The following SGK3 variants were observed in gnomAD, a reference collection of about 807,000 sequenced individuals.
The protein encoded by SGK3 is serum/glucocorticoid regulated kinase family member 3.
In SGK3, 47 loss-of-function variants were observed where a neutral mutation model predicts 68.5. The ratio of observed to expected loss-of-function variants is 0.69; its 90% CI spans 0.54 to 0.87. The LOEUF is 0.87. Among genes scored for constraint, SGK3 ranks in the 40% least tolerant of loss-of-function variants. SGK3 has a pLI of 0.00. For missense variants in SGK3, 479 were observed against 575.5 expected (o/e 0.83, Z 1.72); for synonymous variants, 181 against 189.1 (o/e 0.96, Z 0.35).
intron 5 of SGK3, among the ~76,000 whole-genome samples, chr8:66,821,715 C>T (rs1281780351): frequency 6.4e-4 from 81 of 125,874 alleles, no homozygotes; most frequent in Non-Finnish European, 1.1e-3. Flanking sequence ...TTACTGGAGA[C>T]GGGGTTTCAC....
chr8:66,803,624 G>A (rs1364083684), intron 3 of SGK3, among the ~76,000 whole-genome samples: 2 of 151,556 alleles, frequency 1.3e-5, no homozygotes, highest in Non-Finnish European at 2.9e-5. Flanking sequence ...CTTCTCTGAA[G>A]ACAAGCATAT....
intron 8 of SGK3, among the ~76,000 whole-genome samples, chr8:66,831,817 C>T (rs1358707281): frequency 6.6e-6 from 1 of 152,036 alleles, no homozygotes; most frequent in African/African-American, 2.4e-5. Flanking sequence ...ATAAAGTTCA[C>T]TTATTCAGAA....
intron 1 of SGK3, among the ~76,000 whole-genome samples, chr8:66,738,511 C>G (rs1028312121): frequency 1.3e-5 from 2 of 152,198 alleles, no homozygotes; most frequent in African/African-American, 2.4e-5. Flanking sequence ...CTGGCATTCC[C>G]CGGCTATCAG....
rs539972214 is a variant in SGK3, at chr8:66,845,161, G to A, written c.1074+1614G>A. 7.9e-5 allele frequency among the ~76,000 whole-genome samples: 12 copies of A among 152,300 alleles called. No individual in the cohort carries two copies. In the East Asian group the frequency reaches 9.6e-4, roughly 12 times the overall value. ...CGCCTGTAATCCCAGCACTTTGGGA[G>A]GCCAAGGCAGGCAGATCACCTTAGG... On this transcript the variant is annotated intron_variant, in intron 14 of 16. Transcript: ENST00000521198.
intron 1 of SGK3, among the ~76,000 whole-genome samples, chr8:66,752,701 G>A (rs1175883451): frequency 6.6e-6 from 1 of 152,096 alleles, no homozygotes; most frequent in African/African-American, 2.4e-5. Context: ...AGTAGCTAAA[G>A]GGGGCCAGGT....
intron 13 of SGK3, among the ~76,000 whole-genome samples, chr8:66,841,659 GTTTTTTATATGCTTGAAATA>G (rs1809802217): frequency 6.6e-6 from 1 of 152,032 alleles, no homozygotes; most frequent in African/African-American, 2.4e-5. Flanking sequence ...GGTTTCTCTT[GTTTTTTATATGCTTGAAATA>G]TTTTGTAACA....
Position 66,789,466 on chromosome 8 carries a change from G to A in SGK3, c.-121-4150G>A, listed in dbSNP as rs144434908. 5.4e-3 allele frequency among the ~76,000 whole-genome samples: 818 copies of A among 152,258 alleles called. 11 individuals are homozygous for A. Among genetic ancestry groups the A allele is most frequent in the African/African-American group, 0.018 (737 of 41,550 alleles). ...GACAGGGAACCAATATGGGAATTTA[G>A]CCAGTTACTAAGTATATCTGTTTCC... On this transcript the variant is annotated intron_variant, in intron 1 of 16. Coordinates refer to ENST00000521198, the MANE Select transcript of SGK3 (RefSeq NM_001033578.3).
intron 15 of SGK3, among the ~76,000 whole-genome samples, chr8:66,849,665 G>A (rs970720521): frequency 3.2e-4 from 48 of 148,834 alleles, no homozygotes; most frequent in African/African-American, 1.1e-3. Flanking sequence ...GTGTGATCAC[G>A]GCTCACTGCA....
chr8:66,816,503 G>A (rs111954033), intron 5 of SGK3, among the ~76,000 whole-genome samples: 2 of 151,020 alleles, frequency 1.3e-5, no homozygotes, highest in East Asian at 2.0e-4. Flanking sequence ...GCGCCACCAC[G>A]CCTGGCTAAT....
chr8:66,780,859 A>T (rs868792292), intron 1 of SGK3, among the ~76,000 whole-genome samples: 2 of 152,194 alleles, frequency 1.3e-5, no homozygotes, highest in Admixed American at 1.3e-4. Flanking sequence ...TGGTCTGGCT[A>T]CTGGGGAAAA....
chr8:66,725,095 G>T (rs778340677), intron 1 of SGK3, among the ~76,000 whole-genome samples: 6 of 152,184 alleles, frequency 3.9e-5, no homozygotes, highest in Non-Finnish European at 8.8e-5. Context: ...TGTGGTGGCG[G>T]GCATCTGTAT....
rs1447195416 is a variant in SGK3, at chr8:66,860,920, T to A, written c.*1339T>A. 1 of 151,310 alleles carries A rather than the reference T, an allele frequency of 6.6e-6. No homozygotes were observed. Among genetic ancestry groups the A allele is most frequent in the Admixed American group, 6.6e-5 (1 of 15,186 alleles). The allele number at this position is 151,310 out of a possible 1,614,324, so 9.4% of individuals were successfully genotyped here. On this transcript the variant is annotated 3_prime_UTR_variant, in exon 17 of 17. Coordinates refer to ENST00000521198, the MANE Select transcript of SGK3 (RefSeq NM_001033578.3). ...GGCAGATTATTTGAGCTCAGGAGTT[T>A]GAGACCATCCTGGGCAACATGGCGA...
chr8:66,806,172 GT>G (rs146998330), intron 4 of SGK3, among the ~76,000 whole-genome samples: 341 of 149,834 alleles, frequency 2.3e-3, no homozygotes, highest in Non-Finnish European at 1.6e-3. Context: ...TACATACAGA[GT>G]TTTTTTTTTC....
At chr8:66,776,677 A>G (rs555339236) in intron 1 of SGK3, among the ~76,000 whole-genome samples, 1 of 152,352 alleles carries the variant, frequency 6.6e-6, no homozygotes, top group East Asian at 1.9e-4. Context: ...GATAGTTACT[A>G]TCTTTATCTT....
intron 1 of SGK3, among the ~76,000 whole-genome samples, chr8:66,739,238 C>G (rs941488271): frequency 6.6e-6 from 1 of 151,956 alleles, no homozygotes; most frequent in Non-Finnish European, 1.5e-5. Context: ...GGTGGAAGGT[C>G]GAAGGGGAAG....
intron 2 of SGK3, among the ~76,000 whole-genome samples, chr8:66,796,453 C>G (rs1335649404): frequency 6.7e-6 from 1 of 149,308 alleles, no homozygotes; most frequent in African/African-American, 2.5e-5. Flanking sequence ...GCATGAGCCA[C>G]CACACCCAGC....
intron 4 of SGK3, among the ~76,000 whole-genome samples, chr8:66,808,977 C>T (rs1021031924): frequency 6.6e-6 from 1 of 152,056 alleles, no homozygotes; most frequent in African/African-American, 2.4e-5. Context: ...TCAAGCGATT[C>T]TCCTGTCTCA....
chr8:66,856,277 CA>C (rs1218524940), intron 16 of SGK3, among the ~76,000 whole-genome samples: 2 of 152,070 alleles, frequency 1.3e-5, no homozygotes, highest in Admixed American at 1.3e-4. Context: ...TCGTGTTAAC[CA>C]GGATGGTCTC....
chr8:66,730,141 T>C (rs1440074870), intron 1 of SGK3, among the ~76,000 whole-genome samples: 4 of 152,182 alleles, frequency 2.6e-5, no homozygotes, highest in Non-Finnish European at 5.9e-5. Flanking sequence ...TTTCTTTCTA[T>C]TTTAGCCATT....
Sources: allele counts gnomAD v4.1 joint callset (sites outside exome capture counted in the v4.1 genomes callset), GRCh38; gene constraint gnomAD v4.1.1; transcripts MANE v1.5; gene names NCBI Gene and HGNC (gene_info 2026-07-23, HGNC 2026-07-21).